DIP2C: variants seen among roughly 807,000 people sequenced by gnomAD.
DIP2C encodes disco-interacting protein 2 homolog C.
Under a neutral mutation model 192.4 loss-of-function variants are expected in DIP2C, and 33 were observed. The ratio of observed to expected loss-of-function variants is 0.17; its 90% CI spans 0.13 to 0.23. The LOEUF (loss-of-function observed/expected upper bound fraction) is 0.23, where lower values mean the gene tolerates loss of function less well. Ranked by LOEUF, DIP2C falls within the 10% of genes least tolerant of loss-of-function variation. DIP2C has a pLI of 1.00. For missense variants in DIP2C, 1,537 were observed against 2,110.1 expected (o/e 0.73, Z 5.32); for synonymous variants, 979 against 864.1 (o/e 1.13, Z -2.33).
chr10:449,879 TAC>T (rs1387810758), intron 3 of DIP2C, among the ~76,000 whole-genome samples: 2 of 141,498 alleles, frequency 1.4e-5, no homozygotes, highest in East Asian at 4.1e-4. Flanking sequence ...CACACACAAC[TAC>T]AGTCATGTGC....
chr10:541,702 A>AC (rs1847999436), intron 1 of DIP2C, among the ~76,000 whole-genome samples: 1 of 72,338 alleles, frequency 1.4e-5, no homozygotes, highest in Non-Finnish European at 2.8e-5. Context: ...CCACCTGACC[A>AC]CCCCCATCTC....
chr10:686,471 C>T (rs1203588452), intron 1 of DIP2C, among the ~76,000 whole-genome samples: 2 of 152,148 alleles, frequency 1.3e-5, no homozygotes, highest in African/African-American at 4.8e-5. Context: ...TCCCCACCCA[C>T]ACAGCCTCCT....
intron 24 of DIP2C, among the ~76,000 whole-genome samples, chr10:352,169 C>T (rs757403190): frequency 4.6e-5 from 7 of 152,236 alleles, no homozygotes; most frequent in Non-Finnish European, 7.3e-5. Context: ...ATCAAACACC[C>T]GCTTTGCTGT....
intron 1 of DIP2C, among the ~76,000 whole-genome samples, chr10:487,639 G>C (rs535007634): frequency 7.1e-6 from 1 of 140,426 alleles, no homozygotes; most frequent in South Asian, 2.3e-4. Flanking sequence ...GTGCAGTGGC[G>C]TGATCTCAGC....
intron 1 of DIP2C, among the ~76,000 whole-genome samples, chr10:582,869 C>T (rs1850755449): frequency 6.6e-6 from 1 of 152,136 alleles, no homozygotes; most frequent in African/African-American, 2.4e-5. Flanking sequence ...TACCTAAGTT[C>T]CTATGATATA....
chr10:450,121 G>A (rs1190635846), intron 3 of DIP2C, among the ~76,000 whole-genome samples: 1 of 152,176 alleles, frequency 6.6e-6, no homozygotes, highest in Non-Finnish European at 1.5e-5. Flanking sequence ...ACTCCATGTT[G>A]CATTTGAATG....
chr10:636,516 G>A lies in DIP2C; in HGVS notation c.85+52978C>T, dbSNP rs1451042481. Among the ~76,000 whole-genome samples the A allele has an allele frequency of 5.9e-5, 9 of 152,206 alleles. No homozygotes were observed. Among genetic ancestry groups the A allele is most frequent in the Admixed American group, 1.3e-4 (2 of 15,284 alleles). ...CACCTCGCCGAGTCCTCACGCACGC[G>A]TTCCCTAAGAATAAAGGACCCTCTG... On this transcript the variant is annotated intron_variant, in intron 1 of 36. Coordinates refer to ENST00000280886, the MANE Select transcript of DIP2C (RefSeq NM_014974.3). The surrounding 1 kb of genome is among the most constrained non-coding windows in gnomAD (Gnocchi z 4.6).
chr10:384,673 T>C (rs750732733), intron 14 of DIP2C, 34 bp from the exon 15 acceptor site: 23 of 1,606,624 alleles, frequency 1.4e-5, no homozygotes, highest in African/African-American at 4.0e-5. Flanking sequence ...AGGGTGAGCA[T>C]GGAGGGGCAC....
chr10:403,939 G>T (rs1964606743), intron 9 of DIP2C, among the ~76,000 whole-genome samples: 1 of 94,188 alleles, frequency 1.1e-5, no homozygotes, highest in Admixed American at 1.1e-4. Flanking sequence ...TTACACGTGT[G>T]GTGGCATTAG....
rs545823249 is a variant in DIP2C, at chr10:651,644, T to C, written c.85+37850A>G. The C allele has an allele frequency of 3.4e-5, 12 of 351,630 alleles. No individual in the cohort carries two copies. In the East Asian group the frequency reaches 6.9e-4, roughly 20 times the overall value. 21.8% of individuals were successfully genotyped at this position (351,630 alleles called of 1,614,324 possible). On this transcript the variant is annotated intron_variant, in intron 1 of 36. Coordinates refer to ENST00000280886, the MANE Select transcript of DIP2C (RefSeq NM_014974.3). This position sits in a 1 kb window ranked among gnomAD's most constrained non-coding sequence, Gnocchi z 4.1. ...AAGGCTCTGAGGCCAACTTTGAACATTTATTTGAGTGAATTCACGTCCCCC... is the reference window on the plus strand; with the variant it reads ...AAGGCTCTGAGGCCAACTTTGAACACTTATTTGAGTGAATTCACGTCCCCC...
intron 1 of DIP2C, among the ~76,000 whole-genome samples, chr10:500,115 G>C (rs1313882442): frequency 1.3e-5 from 2 of 152,252 alleles, no homozygotes; most frequent in Non-Finnish European, 2.9e-5. Flanking sequence ...CAGCAGATGT[G>C]GGTTCAGCTG....
intron 1 of DIP2C, among the ~76,000 whole-genome samples, chr10:644,303 ACT>A (rs1293808391): frequency 4.6e-5 from 7 of 152,196 alleles, no homozygotes; most frequent in Non-Finnish European, 7.3e-5. Context: ...TCTGGCAGAA[ACT>A]CCTGACTAAT....
intron 1 of DIP2C, among the ~76,000 whole-genome samples, chr10:596,780 G>A (rs1230349883): frequency 6.6e-6 from 1 of 152,172 alleles, no homozygotes; most frequent in East Asian, 1.9e-4. Context: ...AGCCATTGGT[G>A]GCATCACCTG....
At chr10:340,063 C>A (rs1414574724) in intron 29 of DIP2C, among the ~76,000 whole-genome samples, 1 of 152,042 alleles carries the variant, frequency 6.6e-6, no homozygotes, top group East Asian at 1.9e-4. Context: ...CACCTCTAAT[C>A]CCAGCTACTC....
chr10:649,623 C>A (rs1414998962), intron 1 of DIP2C, among the ~76,000 whole-genome samples: 1 of 152,238 alleles, frequency 6.6e-6, no homozygotes, highest in Non-Finnish European at 1.5e-5. Context: ...TGTCACGTTA[C>A]AGCAAATGCC....
rs572626872 is a variant in DIP2C, at chr10:568,467, C to T, written c.86-81937G>A. Among the ~76,000 whole-genome samples the T allele has an allele frequency of 3.9e-5, 6 of 152,166 alleles. No individual in the cohort carries two copies. In the South Asian group the frequency reaches 6.2e-4, roughly 16 times the overall value. ...GAAATTTAAGCCTGTAACAAGCTTTCGGAAAAAACTTCACTTGAGGCCGGG... is the reference window on the plus strand; with the variant it reads ...GAAATTTAAGCCTGTAACAAGCTTTTGGAAAAAACTTCACTTGAGGCCGGG... On this transcript the variant is annotated intron_variant, in intron 1 of 36. Transcript: ENST00000280886.
At chr10:390,623 C>T in intron 11 of DIP2C, 117 bp downstream of exon 11, 1 of 1,499,298 alleles carries the variant, frequency 6.7e-7, no homozygotes, top group Non-Finnish European at 9.0e-7. Context: ...ACTCGTGGGT[C>T]TGTGACTGAC....
chr10:492,077 C>A (rs578224138), intron 1 of DIP2C, among the ~76,000 whole-genome samples: 1 of 152,208 alleles, frequency 6.6e-6, no homozygotes, highest in Non-Finnish European at 1.5e-5. Context: ...CCCTGAGAAC[C>A]CAGTTGTTGC....
Position 345,045 on chromosome 10 carries a change from C to G in DIP2C, c.3297G>C (p.Ala1099=), listed in dbSNP as rs763729749. The G allele has an allele frequency of 1.9e-6, 3 of 1,613,548 alleles. No individual in the cohort carries two copies. The African/African-American group carries it at 4.0e-5, about 22-fold the overall frequency. ...ACGTCCTGACGTCCACAGCCGCCGC[C>G]GCCTCCCTGGACCGCAGCAACTTAC... ...LICKLLRSRE[A]AAAVDVRTWP... Residue 1099 remains alanine (A), a synonymous_variant, in exon 27 of 37, where the codon GCG becomes GCC. Transcript: ENST00000280886.
Sources: allele counts gnomAD v4.1 joint callset (sites outside exome capture counted in the v4.1 genomes callset), GRCh38; gene constraint gnomAD v4.1.1; non-coding constraint Gnocchi (gnomAD v3.1); transcripts MANE v1.5; gene names NCBI Gene and HGNC (gene_info 2026-07-23, HGNC 2026-07-21).